The following PPARGC1B variants were observed in gnomAD, a reference collection of about 807,000 sequenced individuals.
PPARGC1B encodes PPARG coactivator 1 beta, also known as peroxisome proliferator-activated receptor gamma coactivator 1-beta.
A neutral mutation model predicts 101.6 loss-of-function variants in PPARGC1B; 34 were observed. The ratio of observed to expected loss-of-function variants is 0.33; its 90% confidence interval spans 0.25 to 0.45. PPARGC1B has a LOEUF of 0.45. PPARGC1B is among the 20% of genes least tolerant of loss of function. PPARGC1B has a pLI of 1.00. For synonymous variants in PPARGC1B, 548 were observed against 539.3 expected (o/e 1.02, Z -0.22); for missense variants, 1,234 against 1,317.6 (o/e 0.94, Z 0.98).
chr5:149,751,247 A>G (rs879629019), intron 1 of PPARGC1B, among the ~76,000 whole-genome samples: 3 of 152,226 alleles, frequency 2.0e-5, no homozygotes, highest in Non-Finnish European at 4.4e-5. Flanking sequence ...ATGCCTTTCA[A>G]CTGAATATGG....
intron 1 of PPARGC1B, among the ~76,000 whole-genome samples, chr5:149,757,081 C>G (rs555326865): frequency 6.6e-6 from 1 of 152,076 alleles, no homozygotes; most frequent in Admixed American, 6.6e-5. Flanking sequence ...ATAAGCCCTT[C>G]GAAGACAATA....
chr5:149,763,149 C>A (rs1049349595), intron 1 of PPARGC1B, among the ~76,000 whole-genome samples: 5 of 129,438 alleles, frequency 3.9e-5, no homozygotes, highest in African/African-American at 1.3e-4. Context: ...CTGCAACTTC[C>A]CTCCCCACTC....
chr5:149,797,237 C>T (rs776666104), intron 1 of PPARGC1B, among the ~76,000 whole-genome samples: 17 of 152,314 alleles, frequency 1.1e-4, no homozygotes, highest in Non-Finnish European at 2.1e-4. Flanking sequence ...GACAGTGTGC[C>T]AGGCACTGTG....
intron 1 of PPARGC1B, among the ~76,000 whole-genome samples, chr5:149,811,165 A>C (rs1238718419): frequency 6.6e-6 from 1 of 152,352 alleles, no homozygotes; most frequent in South Asian, 2.1e-4. Context: ...TGGTGCCAGC[A>C]TTGAAACCGC....
rs1196514278 is a variant in PPARGC1B at position 149,849,629 on chromosome 5, T to A, written c.*2071T>A. 1 of 152,252 alleles carries A rather than the reference T, an allele frequency of 6.6e-6. No homozygotes were observed. The highest frequency in any genetic ancestry group is 2.4e-5 in the African/African-American group (1 of 41,466). 9.4% of individuals were successfully genotyped at this position (152,252 alleles called of 1,614,324 possible). A position where few individuals can be genotyped will look rare whatever the true frequency, so the allele number is the denominator to read the frequency against. On this transcript the variant is annotated 3_prime_UTR_variant, in exon 12 of 12. Transcript: ENST00000309241. ...GTTCAATCTATTTGACATCTTGGGC[T>A]AATCTTTGGAAGGTTTCCAACAATC... is the stretch of plus-strand genomic sequence containing the variant.
chr5:149,833,363 G>A lies in PPARGC1B; in HGVS notation c.1290G>A (p.Glu430=). 1.2e-6 allele frequency: 2 copies of A among 1,613,496 alleles called. No homozygotes were observed. The highest frequency in any genetic ancestry group is 2.2e-5 in the South Asian group (2 of 91,074). ...GGCCTGCCAGACTGCAGCAGCAGGA[G>A]GAGGAAGACGAGGAAGAAGAGGAGG... is the stretch of plus-strand genomic sequence containing the variant. ...VRRPARLQQQ[E]EEDEEEEEEE... Residue 430 remains glutamate, a synonymous_variant, in exon 5 of 12, where the codon GAG becomes GAA. Coordinates refer to ENST00000309241, the MANE Select transcript of PPARGC1B (RefSeq NM_133263.4). This position sits in a 1 kb window ranked among gnomAD's most constrained non-coding sequence, Gnocchi z 4.1.
chr5:149,750,453 A>AT (rs1755246049), intron 1 of PPARGC1B, among the ~76,000 whole-genome samples: 7 of 123,238 alleles, frequency 5.7e-5, no homozygotes, highest in African/African-American at 2.2e-4. Context: ...TTTTAGTTAA[A>AT]ATATATATAT....
chr5:149,817,614 T>C lies in PPARGC1B; in HGVS notation c.79-2819T>C, dbSNP rs75125295. 1,167 of 413,544 alleles carry C rather than the reference T, an allele frequency of 2.8e-3. 15 individuals are homozygous for C. The highest frequency in any genetic ancestry group is 0.022 in the African/African-American group (1,069 of 48,880). The allele number at this position is 413,544 out of a possible 1,614,324, so 25.6% of individuals were successfully genotyped here. A position where few individuals can be genotyped will look rare whatever the true frequency, so the allele number is the denominator to read the frequency against. On this transcript the variant is annotated intron_variant, in intron 1 of 11. Transcript: ENST00000309241. The stretch of plus-strand genomic sequence containing the variant: ...TACATGTTTTCTTCCCTCACTAAGA[T>C]GTCAACTCACGGAGGAAGGAGCTGA...
At chr5:149,761,359 G>A (rs1755710729) in intron 1 of PPARGC1B, 1 of 49,700 alleles carries the variant, frequency 2.0e-5, no homozygotes, top group Non-Finnish European at 4.4e-5. Context: ...TAGATCTCCA[G>A]GATTTATTCA....
rs546067576 is a variant in PPARGC1B, at chr5:149,750,023, G to A, written c.78+19603G>A. Among the ~76,000 whole-genome samples, 7 of 152,314 alleles carry A rather than the reference G, an allele frequency of 4.6e-5. No individual in the cohort carries two copies. In the South Asian group the frequency reaches 1.5e-3, roughly 32 times the overall value. ...ACTTTCCCTGCACCCAGTGGGTAAT[G>A]TCAGTGTAGGTTCTTAACTCCCCAG... is the stretch of plus-strand genomic sequence containing the variant. On this transcript the variant is annotated intron_variant, in intron 1 of 11. Coordinates refer to ENST00000309241, the MANE Select transcript of PPARGC1B (RefSeq NM_133263.4).
chr5:149,833,503 G>A lies in PPARGC1B; in HGVS notation c.1430G>A (p.Arg477Gln), dbSNP rs748235018. Reference sequence around the variant, plus strand: ...CTGGAGAGCTCTGTGTGCCCCGTGCGGCGTTCTCGGAGACTGAACCCTGAG... The same window carrying A: ...CTGGAGAGCTCTGTGTGCCCCGTGCAGCGTTCTCGGAGACTGAACCCTGAG... ...RKLESSVCPV[R>Q]RSRRLNPELG... is the part of the protein sequence containing the mutation. The change falls in exon 5 of 12, where the codon CGG (arginine) becomes CAG (glutamine). Residue 477 changes from arginine (R) to glutamine (Q), a missense_variant. By Grantham distance (43) the Arg-to-Gln change is conservative. Coordinates refer to ENST00000309241, the MANE Select transcript of PPARGC1B (RefSeq NM_133263.4). This position sits in a 1 kb window ranked among gnomAD's most constrained non-coding sequence, Gnocchi z 4.1. The A allele has an allele frequency of 1.3e-5, 21 of 1,565,028 alleles. No individual in the cohort carries two copies. The highest frequency in any genetic ancestry group is 1.8e-5 in the Non-Finnish European group (21 of 1,154,766).
intron 1 of PPARGC1B, among the ~76,000 whole-genome samples, chr5:149,763,640 C>T (rs1226519675): frequency 6.6e-6 from 1 of 150,762 alleles, no homozygotes; most frequent in East Asian, 2.0e-4. Context: ...AAGTAATTCT[C>T]CCATCTTAGC....
At chr5:149,749,178 T>C (rs1755197714) in intron 1 of PPARGC1B, among the ~76,000 whole-genome samples, 1 of 152,214 alleles carries the variant, frequency 6.6e-6, no homozygotes, top group Non-Finnish European at 1.5e-5. Context: ...ATAAATTTAA[T>C]GATGCAGATG....
intron 1 of PPARGC1B, among the ~76,000 whole-genome samples, chr5:149,754,297 C>T (rs1478592955): frequency 8.6e-5 from 13 of 151,096 alleles, no homozygotes; most frequent in Admixed American, 5.9e-4. Context: ...CACGTGGCCC[C>T]GGGTCCTTCT....
chr5:149,818,889 G>A (rs1357699005), intron 1 of PPARGC1B: 1 of 456,320 alleles, frequency 2.2e-6, no homozygotes, highest in African/African-American at 2.0e-5. Flanking sequence ...ACAGATGAAG[G>A]GACTTGCCCA....
chr5:149,753,331 T>A (rs1755386060), intron 1 of PPARGC1B, among the ~76,000 whole-genome samples: 1 of 151,928 alleles, frequency 6.6e-6, no homozygotes, highest in African/African-American at 2.4e-5. Context: ...CTCAGCCTCC[T>A]GAGTAGCTGT....
chr5:149,737,653 CT>C (rs1213157501), intron 1 of PPARGC1B, among the ~76,000 whole-genome samples: 1 of 152,206 alleles, frequency 6.6e-6, no homozygotes, highest in African/African-American at 2.4e-5. Flanking sequence ...GTCACATAAC[CT>C]TTCTGAGCTT....
intron 1 of PPARGC1B, among the ~76,000 whole-genome samples, chr5:149,743,187 G>A (rs527473288): frequency 2.1e-5 from 3 of 140,434 alleles, no homozygotes; most frequent in Admixed American, 7.6e-5. Context: ...ACAGATTCTC[G>A]CTCTGTCGCC....
Position 149,847,679 on chromosome 5 carries a change from A to G in PPARGC1B, c.*121A>G. 1.4e-6 allele frequency: 1 copy of G among 706,252 alleles called. No individual in the cohort carries two copies. Among genetic ancestry groups the G allele is most frequent in the Non-Finnish European group, 2.4e-6 (1 of 409,910 alleles). 43.7% of individuals were successfully genotyped at this position (706,252 alleles called of 1,614,324 possible). A position where few individuals can be genotyped will look rare whatever the true frequency, so the allele number is the denominator to read the frequency against. Reference sequence around the variant, plus strand: ...GAGCGAGCGTGAGAGAACACCCGTGAGAGAGACTTGAAACTGCTGTCCTTT... The same window carrying G: ...GAGCGAGCGTGAGAGAACACCCGTGGGAGAGACTTGAAACTGCTGTCCTTT... On this transcript the variant is annotated 3_prime_UTR_variant, in exon 12 of 12. Coordinates refer to ENST00000309241, the MANE Select transcript of PPARGC1B (RefSeq NM_133263.4).
Sources: allele counts gnomAD v4.1 joint callset (sites outside exome capture counted in the v4.1 genomes callset), GRCh38; gene constraint gnomAD v4.1.1; non-coding constraint Gnocchi (gnomAD v3.1); transcripts MANE v1.5; gene names NCBI Gene and HGNC (gene_info 2026-07-23, HGNC 2026-07-21).